TLE6: variants seen among roughly 807,000 people sequenced by gnomAD.
TLE6 encodes the protein transducin-like enhancer protein 6.
TLE6 carries 72 observed loss-of-function variants against 77.1 expected under a neutral mutation model. That is an observed-to-expected ratio of 0.93 (90% CI 0.77 to 1.14). TLE6 has a LOEUF of 1.14. TLE6 is among the 50% of genes most tolerant of loss of function. The pLI, the probability that TLE6 is intolerant of heterozygous loss-of-function variation, is 0.00. For missense variants in TLE6, 843 were observed against 747.6 expected (o/e 1.13, Z -1.49); for synonymous variants, 366 against 287.3 (o/e 1.27, Z -2.77).
At position 2,994,077 on chromosome 19, in the gene TLE6, G is replaced by A. The variant is rs374052369; in HGVS notation, c.1596G>A (p.Ala532=). ...DDFLGVYSMP[A]GTKVFEVPEM... is the part of the protein sequence containing the mutation. ...TCCTTGGCGTCTACAGCATGCCGGC[G>A]GGGACAAAAGTGTTCGAGGTACTGC... Residue 532 remains alanine (A), a synonymous_variant, in exon 16 of 17, where the codon GCG becomes GCA. Coordinates refer to ENST00000246112, the MANE Select transcript of TLE6 (RefSeq NM_001143986.2). The A allele has an allele frequency of 1.3e-4, 206 of 1,604,356 alleles. No homozygotes were observed. Among genetic ancestry groups the A allele is most frequent in the African/African-American group, 5.4e-4 (40 of 74,646 alleles).
intron 11 of TLE6, 38 bp downstream of exon 11, chr19:2,988,166 G>A (rs1854215605): frequency 6.5e-7 from 1 of 1,547,688 alleles, no homozygotes; most frequent in Non-Finnish European, 8.7e-7. Context: ...GCGGGGTGAG[G>A]GGCAGCGGGA....
At chr19:2,993,369 C>A in intron 14 of TLE6, 63 bp from the exon 15 acceptor site, 1 of 1,526,992 alleles carries the variant, frequency 6.5e-7, no homozygotes, top group South Asian at 1.2e-5. Context: ...CAGGCTCCTG[C>A]CTGCTTCCTG....
chr19:2,990,307 T>C (rs556005462), intron 13 of TLE6, among the ~76,000 whole-genome samples: 44 of 151,788 alleles, frequency 2.9e-4, no homozygotes, highest in African/African-American at 8.4e-4. Flanking sequence ...TTTAAAAATA[T>C]GTATATATAA....
intron 5 of TLE6, chr19:2,984,389 T>TCCCTCCG (rs2088864607): frequency 1.0e-5 from 1 of 96,206 alleles, no homozygotes; most frequent in South Asian, 4.0e-4. Flanking sequence ...TCCCGGCCCC[T>TCCCTCCG]CCCTCCGCCG....
Position 2,989,374 on chromosome 19 carries a change from G to A in TLE6, c.993+61G>A, listed in dbSNP as rs2047952740. On this transcript the variant is annotated intron_variant, in intron 12 of 16. Transcript: ENST00000246112. The stretch of plus-strand genomic sequence containing the variant: ...TCTGGGAACAGGGGGTTTGAGGTTT[G>A]AGTCTGGCAGAGCCCAGATCGTGGA... The A allele has an allele frequency of 1.9e-6, 3 of 1,599,382 alleles. No individual in the cohort carries two copies. The African/African-American group carries it at 4.0e-5, about 21-fold the overall frequency.
At chr19:2,993,046 A>C (rs1344386786) in intron 14 of TLE6, among the ~76,000 whole-genome samples, 1 of 150,354 alleles carries the variant, frequency 6.7e-6, no homozygotes, top group Non-Finnish European at 1.5e-5. Flanking sequence ...AAAAAAAAAA[A>C]AAAAAAACAG....
intron 6 of TLE6, 27 bp downstream of exon 6, chr19:2,986,918 G>GA (rs1204490418): frequency 6.4e-7 from 1 of 1,552,774 alleles, no homozygotes; most frequent in East Asian, 2.4e-5. Flanking sequence ...TCAAGGAGGG[G>GA]AGGGGACAGG....
intron 13 of TLE6, among the ~76,000 whole-genome samples, chr19:2,991,401 C>T (rs557190170): frequency 0.02 from 1,874 of 92,806 alleles, 17 homozygotes; most frequent in Middle Eastern, 0.046. Context: ...TATATACACA[C>T]ACACACACAC....
At position 2,991,639 on chromosome 19, in the gene TLE6, C is replaced by T. The variant is rs113651450; in HGVS notation, c.1245-204C>T. Among the ~76,000 whole-genome samples the T allele has an allele frequency of 5.6e-3, 840 of 149,982 alleles. 4 individuals are homozygous for T. The highest frequency in any genetic ancestry group is 0.014 in the Middle Eastern group (4 of 288). ...AGGTGAGGCCAAGGGGAGGCCCAGG[C>T]GGACGGAGAAGGGAGGCTGAGGGCT... On this transcript the variant is annotated intron_variant, in intron 13 of 16. Transcript: ENST00000246112.
At position 2,986,985 on chromosome 19, in the gene TLE6, C is replaced by A. The variant is rs577165648; in HGVS notation, c.288C>A (p.Val96=). 3.7e-6 allele frequency: 6 copies of A among 1,610,412 alleles called. No individual in the cohort carries two copies. The African/African-American group carries it at 5.3e-5, about 14-fold the overall frequency. The change falls in exon 7 of 17, where the codon GTC becomes GTA. Residue 96 remains valine, a splice_region_variant and synonymous_variant. Coordinates refer to ENST00000246112, the MANE Select transcript of TLE6 (RefSeq NM_001143986.2). ...SQLQGFQSEE[V]SPAEPASPGT... ...CTGCCTTGTTCCTGCCGGGCCAGGT[C>A]TCACCTGCTGAACCAGCCAGCCCTG...
Position 2,995,048 on chromosome 19 carries a change from C to A in TLE6, c.*44C>A, listed in dbSNP as rs765862899. The A allele has an allele frequency of 1.8e-6, 2 of 1,092,498 alleles. No homozygotes were observed. Among genetic ancestry groups the A allele is most frequent in the Non-Finnish European group, 1.3e-6 (1 of 770,122 alleles). 67.7% of individuals were successfully genotyped at this position (1,092,498 alleles called of 1,614,324 possible). On this transcript the variant is annotated 3_prime_UTR_variant, in exon 17 of 17. Transcript: ENST00000246112. ...TCCCACTCCGGCTCCTCTTTTCATC[C>A]CCCCCCTTCCCCCCCCCCAACAAGG...
Position 2,978,302 on chromosome 19 carries a change from T to A in TLE6, c.51+18T>A. 1 of 1,551,062 alleles carries A rather than the reference T, an allele frequency of 6.4e-7. No homozygotes were observed. Among genetic ancestry groups the A allele is most frequent in the Non-Finnish European group, 8.7e-7 (1 of 1,146,910 alleles). On this transcript the variant is annotated intron_variant, in intron 2 of 16. Coordinates refer to ENST00000246112, the MANE Select transcript of TLE6 (RefSeq NM_001143986.2). ...GCACTTCGGTGAGGAGGGCATGTGG[T>A]GGGATCAGCCCTCAAGGGAAACCCG...
intron 14 of TLE6, among the ~76,000 whole-genome samples, chr19:2,992,978 C>CA (rs1272569764): frequency 7.6e-6 from 1 of 130,982 alleles, no homozygotes; most frequent in Non-Finnish European, 1.5e-5. Context: ...CATTTGAGGT[C>CA]AGAAGTTCAA....
chr19:2,986,852 G>C lies in TLE6; in HGVS notation c.246G>C (p.Val82=). Residue 82 remains valine (V), a synonymous_variant, in exon 6 of 17, where the codon GTG becomes GTC. Coordinates refer to ENST00000246112, the MANE Select transcript of TLE6 (RefSeq NM_001143986.2). ...HKQIGNVLQI[V]ESCSQLQGFQ... The stretch of plus-strand genomic sequence containing the variant: ...AGATAGGAAACGTCTTACAGATTGT[G>C]GAGAGCTGCAGCCAACTCCAGGGTT... 6.4e-7 allele frequency: 1 copy of C among 1,551,734 alleles called. No homozygotes were observed.
rs565836917 is a variant in TLE6, at chr19:2,983,302, C to T, written c.222+1113C>T. On this transcript the variant is annotated intron_variant, in intron 5 of 16. Transcript: ENST00000246112. ...GACGCAGAGCTTCCCACCCTTGGGG[C>T]GAGTGGAGCCTGGTAGATGGAGTGT... Among the ~76,000 whole-genome samples the T allele has an allele frequency of 1.4e-4, 21 of 152,134 alleles. No individual in the cohort carries two copies. The South Asian group carries it at 4.1e-3, about 30-fold the overall frequency.
intron 5 of TLE6, chr19:2,984,558 C>T (rs1428043977): frequency 1.3e-5 from 2 of 152,266 alleles, no homozygotes; most frequent in Non-Finnish European, 2.9e-5. Context: ...ACCTCCACCT[C>T]CTGGGTTCAA....
Position 2,994,864 on chromosome 19 carries a change from C to T in TLE6, c.1615-36C>T, listed in dbSNP as rs748737531. 3.0e-6 allele frequency: 4 copies of T among 1,319,868 alleles called. No homozygotes were observed. The African/African-American group carries it at 4.4e-5, about 14-fold the overall frequency. The allele number at this position is 1,319,868 out of a possible 1,614,324, so 81.8% of individuals were successfully genotyped here. On this transcript the variant is annotated intron_variant, in intron 16 of 16. Transcript: ENST00000246112. ...AGGTGGAGACCAGGGGTGTGTGAGC[C>T]CTACCCCAGCTCACTGCCCACTGCC...
chr19:2,989,378 C>G, intron 12 of TLE6, 65 bp downstream of exon 12: 1 of 1,598,696 alleles, frequency 6.3e-7, no homozygotes, highest in Non-Finnish European at 8.5e-7. Context: ...AGGTTTGAGT[C>G]TGGCAGAGCC....
At position 2,981,695 on chromosome 19, in the gene TLE6, G is replaced by C. The variant is rs376032859; in HGVS notation, c.180+112G>C. 46 of 1,168,704 alleles carry C rather than the reference G, an allele frequency of 3.9e-5. No individual in the cohort carries two copies. In the South Asian group the frequency reaches 5.8e-4, roughly 15 times the overall value. The allele number at this position is 1,168,704 out of a possible 1,614,324, so 72.4% of individuals were successfully genotyped here. A position where few individuals can be genotyped will look rare whatever the true frequency, so the allele number is the denominator to read the frequency against. ...CCCTAGAGAGGTTCTTTTCCGCCAA[G>C]CACTGTGCCTCACGCCTGTAATCCC... On this transcript the variant is annotated intron_variant, in intron 4 of 16. Transcript: ENST00000246112.
Sources: allele counts gnomAD v4.1 joint callset (sites outside exome capture counted in the v4.1 genomes callset), GRCh38; gene constraint gnomAD v4.1.1; transcripts MANE v1.5; gene names NCBI Gene and HGNC (gene_info 2026-07-23, HGNC 2026-07-21).